Variants in SPG7 observed in about 807,000 individuals in gnomAD.
SPG7 encodes the protein mitochondrial inner membrane m-AAA protease component paraplegin.
A neutral mutation model predicts 81.9 loss-of-function variants in SPG7; 103 were observed. The observed-to-expected ratio is 1.26, with a 90% CI of 1.07 to 1.48. The LOEUF is 1.48. Among genes scored for constraint, SPG7 ranks in the 40% most tolerant of loss-of-function variants. SPG7 has a pLI of 0.00. For missense variants in SPG7, 1,241 were observed against 1,087.3 expected (o/e 1.14, Z -1.99); for synonymous variants, 534 against 444.2 (o/e 1.20, Z -2.54).
chr16:89,510,634 C>T (rs745477234), intron 2 of SPG7, 42 bp downstream of exon 2: 2 of 1,212,260 alleles, frequency 1.6e-6, no homozygotes, highest in South Asian at 1.2e-5. Flanking sequence ...TGACTGCACA[C>T]TTACCGCCTC....
At chr16:89,550,133 C>A (rs1039009780) in intron 12 of SPG7, 6 of 352,612 alleles carry the variant, frequency 1.7e-5, no homozygotes, top group African/African-American at 4.3e-5. Flanking sequence ...CAGGGCCCAG[C>A]CAGGGAGAGG....
In SPG7 at chr16:89,529,516, C is replaced by T. The variant is rs780481400; in HGVS notation, c.798C>T (p.Ala266=). Reference sequence around the variant, plus strand: ...TGGGGATGACGGCAGTGGGCCTGGCCATCCTGTGGTATGTTTTCCGTCTGG... The same window carrying T: ...TGGGGATGACGGCAGTGGGCCTGGCTATCCTGTGGTATGTTTTCCGTCTGG... ...YSVGMTAVGL[A]ILWYVFRLAG... is the part of the protein sequence containing the mutation. The change falls in exon 6 of 17, where the codon GCC becomes GCT. Residue 266 remains alanine (A), a synonymous_variant. Coordinates refer to ENST00000645818, the MANE Select transcript of SPG7 (RefSeq NM_003119.4). 3 of 1,613,972 alleles carry T rather than the reference C, an allele frequency of 1.9e-6. No homozygotes were observed. Among genetic ancestry groups the T allele is most frequent in the Non-Finnish European group, 2.5e-6 (3 of 1,179,908 alleles).
chr16:89,550,652 G>A (rs1429899641), intron 13 of SPG7, 43 bp downstream of exon 13: 1 of 1,413,940 alleles, frequency 7.1e-7, no homozygotes, highest in Non-Finnish European at 1.0e-6. Context: ...TTGGCCAAAG[G>A]TGGGTGGGGA....
chr16:89,544,362 C>G lies in SPG7; in HGVS notation c.1325-286C>G, dbSNP rs527405920. The G allele has an allele frequency of 7.3e-6, 3 of 411,762 alleles. No homozygotes were observed. In the East Asian group the frequency reaches 1.6e-4, roughly 22 times the overall value. The allele number at this position is 411,762 out of a possible 1,614,324, so 25.5% of individuals were successfully genotyped here. ...GTTAGGACCGGCTCCCAGATGGCAC[C>G]GTGAGGCAGGGAGAGGCTCCAGGAT... On this transcript the variant is annotated intron_variant, in intron 9 of 16. Transcript: ENST00000645818.
intron 4 of SPG7, among the ~76,000 whole-genome samples, chr16:89,525,346 CGTAAATCCTCTGGT>C (rs1271093541): frequency 6.6e-6 from 1 of 152,192 alleles, no homozygotes; most frequent in East Asian, 1.9e-4. Flanking sequence ...TGCTCATTCA[CGTAAATCCTCTGGT>C]GGATGCCTGA....
Position 89,528,984 on chromosome 16 carries a change from G to T in SPG7, c.759-493G>T, listed in dbSNP as rs561920849. ...ATGCCACCATGTCCAGCTAATTTTT[G>T]TATTTTTTTAGTAGATATGGGGTTT... On this transcript the variant is annotated intron_variant, in intron 5 of 16. Transcript: ENST00000645818. The T allele has an allele frequency of 8.7e-5, 17 of 194,320 alleles. No individual in the cohort carries two copies. In the East Asian group the frequency reaches 2.2e-3, roughly 26 times the overall value. 12.0% of individuals were successfully genotyped at this position (194,320 alleles called of 1,614,324 possible).
At chr16:89,550,341 T>G in intron 12 of SPG7, 153 bp from the exon 13 acceptor site, 1 of 661,368 alleles carries the variant, frequency 1.5e-6, no homozygotes, top group East Asian at 2.9e-5. Context: ...CCTAGCTAAT[T>G]TTTCTATTTT....
At chr16:89,510,624 T>G (rs1304444814) in intron 2 of SPG7, 32 bp downstream of exon 2, 1 of 1,317,692 alleles carries the variant, frequency 7.6e-7, no homozygotes, top group African/African-American at 1.4e-5. Flanking sequence ...CAGCTGAGCA[T>G]GACTGCACAC....
chr16:89,526,285 T>A, intron 4 of SPG7, 44 bp from the exon 5 acceptor site: 1 of 1,612,540 alleles, frequency 6.2e-7, no homozygotes, highest in Non-Finnish European at 8.5e-7. Context: ...GTTGCTCGTC[T>A]GTCCCTGCGT....
Position 89,508,425 on chromosome 16 carries a change from TGC to T in SPG7, c.9_10del (p.Leu4AlafsTer69). 1 of 1,480,140 alleles carries T rather than the reference TGC, an allele frequency of 6.8e-7. No individual in the cohort carries two copies. The highest frequency in any genetic ancestry group is 2.2e-5 in the Admixed American group (1 of 44,644). 91.7% of individuals were successfully genotyped at this position (1,480,140 alleles called of 1,614,324 possible). Reference sequence around the variant, plus strand: ...CGCGGCTTTCAGGCCAACATGGCCGTGCTGCTGCTGCTGCTCCGTGCCCTCCG... The same window carrying T: ...CGCGGCTTTCAGGCCAACATGGCCGTTGCTGCTGCTGCTCCGTGCCCTCCG... On this transcript the variant is annotated frameshift_variant, in exon 1 of 17. Transcript: ENST00000645818. LOFTEE classifies it high-confidence loss of function.
At chr16:89,548,764 G>C (rs2058598184) in intron 12 of SPG7, 1 of 362,540 alleles carries the variant, frequency 2.8e-6, no homozygotes. Context: ...GGTTTCCATA[G>C]CTATGATGGC....
In SPG7 at chr16:89,524,060, C is replaced by T. The variant is rs935581559; in HGVS notation, c.431C>T (p.Thr144Ile). 3 of 1,613,802 alleles carry T rather than the reference C, an allele frequency of 1.9e-6. No individual in the cohort carries two copies. The highest frequency in any genetic ancestry group is 1.7e-5 in the Admixed American group (1 of 60,020). The change falls in exon 4 of 17, where the codon ACC becomes ATC. Residue 144 changes from threonine (T) to isoleucine (I), a missense_variant. Coordinates refer to ENST00000645818, the MANE Select transcript of SPG7 (RefSeq NM_003119.4). ...CAGATGTACCGAGAGCGGCTGCGCA[C>T]CTTGCTGGTCATCGCGGTTGTCATG... Reference protein sequence around the residue: ...DDQMYRERLRTLLVIAVVMSL... With the variant: ...DDQMYRERLRILLVIAVVMSL...
Position 89,532,443 on chromosome 16 carries a change from TTC to T in SPG7, c.1151-14_1151-13del. On this transcript the variant is annotated intron_variant, in intron 8 of 16. Coordinates refer to ENST00000645818, the MANE Select transcript of SPG7 (RefSeq NM_003119.4). ...TTTTTATTAACTGCCCATTTCCTGATTCTCTCTGTGTCCCCTCAGGCCTCGGC... is the reference window on the plus strand; with the variant it reads ...TTTTTATTAACTGCCCATTTCCTGATTCTCTGTGTCCCCTCAGGCCTCGGC... 3.1e-6 allele frequency: 5 copies of T among 1,613,106 alleles called. No homozygotes were observed. In the South Asian group the frequency reaches 4.4e-5, roughly 14 times the overall value.
chr16:89,550,066 C>T (rs2058615675), intron 12 of SPG7: 1 of 288,176 alleles, frequency 3.5e-6, no homozygotes, highest in African/African-American at 2.2e-5. Context: ...GCCGCAGCTG[C>T]AGCTCCAAGA....
At chr16:89,553,695 G>A in intron 14 of SPG7, 99 bp from the exon 15 acceptor site, 2 of 1,187,564 alleles carry the variant, frequency 1.7e-6, no homozygotes, top group Non-Finnish European at 2.5e-6. Context: ...AGGGGATGGA[G>A]GTGGTGCTGC....
intron 9 of SPG7, chr16:89,544,411 T>C (rs1034875455): frequency 6.0e-6 from 3 of 498,496 alleles, no homozygotes; most frequent in African/African-American, 1.9e-5. Flanking sequence ...CCGGAGGGCC[T>C]TGGACAGTTC....
At chr16:89,536,656 AGGCGAGGCGGGTGAGATCG>A in intron 9 of SPG7, 1 of 1,282,498 alleles carries the variant, frequency 7.8e-7, no homozygotes, top group Non-Finnish European at 1.1e-6. Flanking sequence ...TGGGCGAGGC[AGGCGAGGCGGGTGAGATCG>A]GGCGAGGCGG....
chr16:89,512,347 G>C (rs956182512), intron 2 of SPG7, among the ~76,000 whole-genome samples: 1 of 152,000 alleles, frequency 6.6e-6, no homozygotes, highest in South Asian at 2.1e-4. Flanking sequence ...TCGGAGTCTT[G>C]CTCTGTAAAC....
chr16:89,549,563 G>T (rs932691366), intron 12 of SPG7: 2 of 266,842 alleles, frequency 7.5e-6, no homozygotes, highest in African/African-American at 2.2e-5. Context: ...AGCTACTCAG[G>T]AGGCTGCAGC....
Sources: gnomAD v4.1 joint callset for allele counts (sites outside exome capture counted in the v4.1 genomes callset) on GRCh38, gnomAD v4.1.1 for gene constraint, MANE v1.5 for transcripts, NCBI Gene and HGNC (gene_info 2026-07-23, HGNC 2026-07-21) for gene names.